The following FGGY variants were observed in gnomAD, a reference collection of about 807,000 sequenced individuals.
FGGY encodes the protein FGGY carbohydrate kinase domain containing.
In FGGY, 72 loss-of-function variants were observed where a neutral mutation model predicts 71.3. The ratio of observed to expected loss-of-function variants is 1.01; its 90% CI spans 0.84 to 1.23. The LOEUF (loss-of-function observed/expected upper bound fraction) is 1.23, where lower values mean the gene tolerates loss of function less well. Among genes scored for constraint, FGGY ranks in the 50% most tolerant of loss-of-function variants. The probability of loss-of-function intolerance (pLI) is 0.00; values close to 1 mark genes in which losing one functional copy is unlikely to be tolerated. For missense variants in FGGY, 668 were observed against 682.3 expected (o/e 0.98, Z 0.23); for synonymous variants, 251 against 250.3 (o/e 1.00, Z -0.02).
In FGGY at chr1:59,458,254, C is replaced by T. The variant is rs189366102; in HGVS notation, c.670+1178C>T. On this transcript the variant is annotated intron_variant, in intron 6 of 15. Transcript: ENST00000303721. ...GCTTTATTAGTGTATATATTGATTA[C>T]CTGTATATGTGTCTTGATTCCTCAC... 3.9e-3 allele frequency among the ~76,000 whole-genome samples: 587 copies of T among 152,178 alleles called. 7 individuals are homozygous for T. Among genetic ancestry groups the T allele is most frequent in the African/African-American group, 0.013 (560 of 41,534 alleles).
intron 5 of FGGY, among the ~76,000 whole-genome samples, chr1:59,397,274 A>G (rs2061436682): frequency 6.6e-6 from 1 of 152,186 alleles, no homozygotes; most frequent in Non-Finnish European, 1.5e-5. Flanking sequence ...CTGGTATTCC[A>G]TTCCACGGCT....
intron 8 of FGGY, among the ~76,000 whole-genome samples, chr1:59,570,578 A>G (rs995537259): frequency 1.3e-5 from 2 of 152,172 alleles, no homozygotes; most frequent in Admixed American, 6.5e-5. Context: ...TTATTTTCTC[A>G]TGGAAAGCAG....
At chr1:59,642,514 A>G (rs534186111) in intron 11 of FGGY, among the ~76,000 whole-genome samples, 1 of 151,704 alleles carries the variant, frequency 6.6e-6, no homozygotes, top group African/African-American at 2.4e-5. Context: ...AATCCCAGCT[A>G]CTCAGGAGGC....
chr1:59,563,390 G>A (rs1296547527), intron 8 of FGGY, among the ~76,000 whole-genome samples: 4 of 151,966 alleles, frequency 2.6e-5, no homozygotes, highest in Non-Finnish European at 4.4e-5. Context: ...TTTATGTGAC[G>A]GGTTACACCA....
intron 7 of FGGY, among the ~76,000 whole-genome samples, chr1:59,518,463 A>G (rs1421167150): frequency 1.3e-5 from 2 of 152,256 alleles, no homozygotes; most frequent in Admixed American, 6.5e-5. Context: ...CTTTTGATTT[A>G]TGAAGCATGA....
At chr1:59,532,667 T>C (rs1329307549) in intron 7 of FGGY, among the ~76,000 whole-genome samples, 1 of 152,132 alleles carries the variant, frequency 6.6e-6, no homozygotes, top group Non-Finnish European at 1.5e-5. Flanking sequence ...TTATTTTGAT[T>C]AAGGATATCA....
intron 8 of FGGY, among the ~76,000 whole-genome samples, chr1:59,557,390 C>G (rs1044592112): frequency 1.3e-5 from 2 of 152,148 alleles, no homozygotes; most frequent in African/African-American, 4.8e-5. Context: ...TTGCCTCTTT[C>G]TAGATCACCC....
intron 8 of FGGY, among the ~76,000 whole-genome samples, chr1:59,559,743 C>T (rs1416311749): frequency 6.6e-6 from 1 of 152,146 alleles, no homozygotes; most frequent in East Asian, 1.9e-4. Context: ...GAATATGTCA[C>T]AGGGAGCCAA....
chr1:59,590,888 A>G (rs2096419664), intron 8 of FGGY, among the ~76,000 whole-genome samples: 1 of 152,232 alleles, frequency 6.6e-6, no homozygotes, highest in South Asian at 2.1e-4. Context: ...CAAGACAGGG[A>G]TGCCCTGTCT....
intron 1 of FGGY, among the ~76,000 whole-genome samples, chr1:59,301,289 C>T (rs993991223): frequency 2.0e-5 from 3 of 152,080 alleles, no homozygotes; most frequent in African/African-American, 7.2e-5. Context: ...TTTCTTGTTA[C>T]TGGTATATTG....
intron 14 of FGGY, among the ~76,000 whole-genome samples, chr1:59,694,332 T>TAAATAAAA (rs1483228173): frequency 5.5e-5 from 8 of 145,764 alleles, no homozygotes; most frequent in African/African-American, 1.8e-4. Context: ...AATAAATAAA[T>TAAATAAAA]AAAATACTGA....
chr1:59,299,391 C>T (rs2042417494), intron 1 of FGGY, among the ~76,000 whole-genome samples: 1 of 152,182 alleles, frequency 6.6e-6, no homozygotes, highest in South Asian at 2.1e-4. Context: ...AACAGTGATA[C>T]ATACTCTCAG....
chr1:59,393,166 G>T (rs1199483032), intron 5 of FGGY: 1 of 152,148 alleles, frequency 6.6e-6, no homozygotes, highest in African/African-American at 2.4e-5. Context: ...AACCCTGCCT[G>T]TTAGGAGTCT....
intron 1 of FGGY, chr1:59,309,886 A>C (rs1047294203): frequency 6.6e-6 from 1 of 151,990 alleles, no homozygotes; most frequent in Non-Finnish European, 1.5e-5. Flanking sequence ...AGTCTGAGGC[A>C]AGAGAATTGC....
intron 11 of FGGY, among the ~76,000 whole-genome samples, chr1:59,654,962 C>T (rs1484528671): frequency 6.6e-6 from 1 of 152,146 alleles, no homozygotes; most frequent in African/African-American, 2.4e-5. Context: ...GGAGTTCTTG[C>T]AAGAGTCCCC....
chr1:59,468,431 G>C (rs1159478512), intron 6 of FGGY, among the ~76,000 whole-genome samples: 1 of 151,972 alleles, frequency 6.6e-6, no homozygotes, highest in African/African-American at 2.4e-5. Flanking sequence ...TTCTATCTTA[G>C]GAAATATCAC....
At chr1:59,421,427 A>G (rs1007160314) in intron 5 of FGGY, among the ~76,000 whole-genome samples, 4 of 152,070 alleles carry the variant, frequency 2.6e-5, no homozygotes, top group Non-Finnish European at 4.4e-5. Context: ...AATTTGTTTA[A>G]AAAGAATCAG....
chr1:59,587,558 G>C (rs569967886), intron 8 of FGGY, among the ~76,000 whole-genome samples: 28 of 152,280 alleles, frequency 1.8e-4, no homozygotes, highest in African/African-American at 5.5e-4. Flanking sequence ...AGTAGGGGCA[G>C]ACTGACACCT....
intron 4 of FGGY, among the ~76,000 whole-genome samples, chr1:59,376,782 T>A (rs1377494140): frequency 6.6e-6 from 1 of 152,232 alleles, no homozygotes; most frequent in Non-Finnish European, 1.5e-5. Context: ...ATTCCTTTTA[T>A]AGCTTTTTGG....
Sources: gnomAD v4.1 joint callset for allele counts (sites outside exome capture counted in the v4.1 genomes callset) on GRCh38, gnomAD v4.1.1 for gene constraint, MANE v1.5 for transcripts, NCBI Gene and HGNC (gene_info 2026-07-23, HGNC 2026-07-21) for gene names.